DSN1: variants seen among roughly 807,000 people sequenced by gnomAD.
The protein encoded by DSN1 is kinetochore-associated protein DSN1 homolog.
A neutral mutation model predicts 45.7 loss-of-function variants in DSN1; 31 were observed. The ratio of observed to expected loss-of-function variants is 0.68; its 90% CI spans 0.51 to 0.92. DSN1 has a LOEUF of 0.92. DSN1 is among the 40% of genes least tolerant of loss of function. The pLI is 0.00. For synonymous variants in DSN1, 134 were observed against 142.3 expected, an observed-to-expected ratio of 0.94 and a Z score of 0.41; for missense variants, 394 against 414.2, an observed-to-expected ratio of 0.95 and a Z score of 0.42.
intron 1 of DSN1, among the ~76,000 whole-genome samples, chr20:36,772,989 G>T (rs1046462987): frequency 3.3e-5 from 5 of 152,162 alleles, no homozygotes; most frequent in Non-Finnish European, 5.9e-5. Context: ...ATCTGTCTGT[G>T]GGGGGTGCTA....
intron 5 of DSN1, among the ~76,000 whole-genome samples, chr20:36,763,016 A>C (rs1380566170): frequency 1.3e-5 from 2 of 152,214 alleles, no homozygotes; most frequent in Non-Finnish European, 2.9e-5. Flanking sequence ...AGCTTCCCAA[A>C]GTCCTGGGAT....
chr20:36,773,328 C>T (rs1295861004), intron 1 of DSN1: 1 of 975,190 alleles, frequency 1.0e-6, no homozygotes, highest in African/African-American at 1.7e-5. Context: ...CTGGCCCAAG[C>T]TTGTGACACA....
intron 2 of DSN1, 81 bp from the exon 3 acceptor site, chr20:36,771,274 G>A: frequency 1.3e-6 from 2 of 1,499,344 alleles, no homozygotes; most frequent in African/African-American, 1.4e-5. Flanking sequence ...AAAAGTAAAT[G>A]TATGCCCCTA....
chr20:36,769,056 C>A (rs1987501318), intron 3 of DSN1, among the ~76,000 whole-genome samples: 1 of 152,190 alleles, frequency 6.6e-6, no homozygotes, highest in East Asian at 1.9e-4. Context: ...ATGACACAGG[C>A]ACAAAGTAAT....
rs945870080 is a variant in DSN1, at chr20:36,754,163, CA to C, written c.961+599del. Reference sequence around the variant, plus strand: ...GACAAACAGGGGGACCCCATCTCTACAAAAAAATTAAAAATTTAGCTGGGTG... The same window carrying C: ...GACAAACAGGGGGACCCCATCTCTACAAAAAATTAAAAATTTAGCTGGGTG... On this transcript the variant is annotated intron_variant, in intron 10 of 10. Transcript: ENST00000373750. Among the ~76,000 whole-genome samples, 74 of 152,014 alleles carry C rather than the reference CA, an allele frequency of 4.9e-4. 1 individual carries two copies. Among genetic ancestry groups the C allele is most frequent in the African/African-American group, 1.8e-3 (73 of 41,462 alleles).
intron 6 of DSN1, among the ~76,000 whole-genome samples, 168 bp downstream of exon 6, chr20:36,762,293 G>C (rs1177577609): frequency 1.3e-5 from 2 of 151,662 alleles, no homozygotes; most frequent in African/African-American, 2.4e-5. Context: ...TTTATTTTTA[G>C]TAGAGATGGG....
At chr20:36,770,313 T>G (rs1483767737) in intron 3 of DSN1, among the ~76,000 whole-genome samples, 2 of 152,042 alleles carry the variant, frequency 1.3e-5, no homozygotes, top group African/African-American at 2.4e-5. Flanking sequence ...CAAGCAATCC[T>G]CCTGCCTCCC....
At chr20:36,761,173 T>C (rs1986959808) in intron 6 of DSN1, among the ~76,000 whole-genome samples, 1 of 152,162 alleles carries the variant, frequency 6.6e-6, no homozygotes, top group Non-Finnish European at 1.5e-5. Flanking sequence ...AATTATGTTT[T>C]TCCCCTCATC....
At chr20:36,766,111 T>G (rs1987318484) in intron 5 of DSN1, among the ~76,000 whole-genome samples, 2 of 148,806 alleles carry the variant, frequency 1.3e-5, no homozygotes, top group Non-Finnish European at 3.0e-5. Flanking sequence ...GGAGAATCGC[T>G]TGAACCCAGG....
intron 2 of DSN1, 100 bp downstream of exon 2, chr20:36,771,325 G>C: frequency 1.3e-6 from 2 of 1,492,200 alleles, no homozygotes; most frequent in Non-Finnish European, 1.8e-6. Context: ...CAAATAATGA[G>C]TATGTGATTC....
rs1410982508 is a variant in DSN1, at chr20:36,752,263, AGGCT to A, written c.*521_*524del. ...TAGACAGGGTTTCACCTTATTTCTC[AGGCT>A]GGTCTTCAACTTCTGGGCTCAAGCA... On this transcript the variant is annotated 3_prime_UTR_variant, in exon 11 of 11. Coordinates refer to ENST00000373750, the MANE Select transcript of DSN1 (RefSeq NM_001145315.2). 3 of 152,252 alleles carry A rather than the reference AGGCT, an allele frequency of 2.0e-5. No individual in the cohort carries two copies. Among genetic ancestry groups the A allele is most frequent in the Non-Finnish European group, 4.4e-5 (3 of 68,152 alleles). The allele number at this position is 152,252 out of a possible 1,614,324, so 9.4% of individuals were successfully genotyped here.
Position 36,758,107 on chromosome 20 carries a change from C to T in DSN1, c.705G>A (p.Glu235=), listed in dbSNP as rs146993587. ...CTAACCTGGACAATATCTCTTTAGC[C>T]TCCTGCTGGTAGTGAAGCAAGAGCT... is the stretch of plus-strand genomic sequence containing the variant. ...WDQLLLHYQQ[E]AKEILSRGST... is the part of the protein sequence containing the mutation. The change falls in exon 8 of 11, where the codon GAG becomes GAA. Residue 235 remains glutamate, a synonymous_variant. Coordinates refer to ENST00000373750, the MANE Select transcript of DSN1 (RefSeq NM_001145315.2). 2.5e-4 allele frequency: 408 copies of T among 1,614,074 alleles called. 3 individuals carry two copies. The African/African-American group carries it at 4.8e-3, about 19-fold the overall frequency.
intron 9 of DSN1, among the ~76,000 whole-genome samples, 180 bp from the exon 10 acceptor site, chr20:36,755,030 T>C (rs957405472): frequency 6.6e-6 from 1 of 152,196 alleles, no homozygotes; most frequent in African/African-American, 2.4e-5. Flanking sequence ...TCCAGGCTGC[T>C]CTATGCTCCA....
intron 9 of DSN1, 57 bp from the exon 10 acceptor site, chr20:36,754,907 C>A: frequency 6.8e-7 from 1 of 1,467,314 alleles, no homozygotes; most frequent in Non-Finnish European, 9.5e-7. Context: ...GGATGTTCCT[C>A]AAACCTGACA....
chr20:36,757,354 C>A (rs1196876176), intron 8 of DSN1, among the ~76,000 whole-genome samples: 1 of 150,670 alleles, frequency 6.6e-6, no homozygotes, highest in Admixed American at 6.6e-5. Context: ...AAAAAACAAA[C>A]AAAAAAACAA....
At chr20:36,766,955 A>G (rs571260457) in intron 4 of DSN1, 114 bp from the exon 5 acceptor site, 1 of 657,316 alleles carries the variant, frequency 1.5e-6, no homozygotes, top group East Asian at 3.2e-5. Context: ...AATATGATGT[A>G]ATTTTTACAC....
chr20:36,762,492 T>G lies in DSN1; in HGVS notation c.559A>C (p.Thr187Pro). The G allele has an allele frequency of 6.2e-7, 1 of 1,613,806 alleles. No individual in the cohort carries two copies. Among genetic ancestry groups the G allele is most frequent in the Non-Finnish European group, 8.5e-7 (1 of 1,179,868 alleles). Residue 187 changes from threonine (T) to proline (P), a missense_variant, in exon 6 of 11, where the codon ACT (threonine) becomes CCT (proline). By Grantham distance (38) the Thr-to-Pro change is conservative. Coordinates refer to ENST00000373750, the MANE Select transcript of DSN1 (RefSeq NM_001145315.2). ...HFADGLETDG[T>P]LQKCFEDSNG... ...GAATCTTCAAAACATTTTTGTAGAG[T>G]TCCATCAGTTTCCAGTCCGTCTGCA...
intron 10 of DSN1, among the ~76,000 whole-genome samples, chr20:36,753,392 C>T (rs569766267): frequency 3.3e-5 from 5 of 149,916 alleles, no homozygotes; most frequent in Admixed American, 2.7e-4. Context: ...AATCCCAACA[C>T]TTTGGAAAGC....
Position 36,770,876 on chromosome 20 carries a change from T to C in DSN1, c.352A>G (p.Thr118Ala). 3.1e-6 allele frequency: 5 copies of C among 1,608,352 alleles called. No individual in the cohort carries two copies. The highest frequency in any genetic ancestry group is 4.2e-6 in the Non-Finnish European group (5 of 1,178,472). ...KSLHPIHQGI[T>A]ELSRSISVDL... ...TCTTGTGTACACAGCACCCCACCTGTGATGCCCTGGTGAATGGGATGCAGC... is the reference window on the plus strand; with the variant it reads ...TCTTGTGTACACAGCACCCCACCTGCGATGCCCTGGTGAATGGGATGCAGC... The change falls in exon 3 of 11, where the codon ACA becomes GCA. Residue 118 changes from threonine (T) to alanine (A), a missense_variant. By Grantham distance (58) the Thr-to-Ala change is moderately conservative. Transcript: ENST00000373750.
Sources: allele counts gnomAD v4.1 joint callset (sites outside exome capture counted in the v4.1 genomes callset), GRCh38; gene constraint gnomAD v4.1.1; transcripts MANE v1.5; gene names NCBI Gene and HGNC (gene_info 2026-07-23, HGNC 2026-07-21).